The following MICU3 variants were observed in gnomAD, a reference collection of about 807,000 sequenced individuals.
The protein encoded by MICU3 is calcium uptake protein 3, mitochondrial.
MICU3 carries 62 observed loss-of-function variants against 66.5 expected under a neutral mutation model. That is an observed-to-expected ratio of 0.93 (90% CI 0.76 to 1.15). The LOEUF (loss-of-function observed/expected upper bound fraction) is 1.15. Among genes scored for constraint, MICU3 ranks in the 50% most tolerant of loss-of-function variants. The pLI, the probability that MICU3 is intolerant of heterozygous loss-of-function variation, is 0.00. For synonymous variants in MICU3, 308 were observed against 240.7 expected, an observed-to-expected ratio of 1.28 and a Z score of -2.59; for missense variants, 779 against 664.4, an observed-to-expected ratio of 1.17 and a Z score of -1.90.
chr8:17,118,694 T>C lies in MICU3; in HGVS notation c.1525-13T>C. 1 of 1,586,896 alleles carries C rather than the reference T, an allele frequency of 6.3e-7. No individual in the cohort carries two copies. The highest frequency in any genetic ancestry group is 8.6e-7 in the Non-Finnish European group (1 of 1,158,018). On this transcript the variant is annotated splice_polypyrimidine_tract_variant and intron_variant, in intron 13 of 14. Transcript: ENST00000318063. The stretch of plus-strand genomic sequence containing the variant: ...TTCTGTACATTTGCACACTTTGCTC[T>C]TCTGTTTTACAGGGTTATAAAACAG...
chr8:17,103,464 T>C (rs530517933), intron 9 of MICU3, among the ~76,000 whole-genome samples: 2 of 151,986 alleles, frequency 1.3e-5, no homozygotes, highest in Admixed American at 6.6e-5. Context: ...AAAAATAGGA[T>C]TATTTAAACT....
At chr8:17,068,942 C>T (rs926465236) in intron 2 of MICU3, among the ~76,000 whole-genome samples, 7 of 152,046 alleles carry the variant, frequency 4.6e-5, no homozygotes, top group Admixed American at 2.0e-4. Flanking sequence ...CTTAGGCAGG[C>T]ATTAAATATT....
At chr8:17,111,047 C>G (rs551563131) in intron 11 of MICU3, among the ~76,000 whole-genome samples, 9 of 152,214 alleles carry the variant, frequency 5.9e-5, no homozygotes, top group African/African-American at 2.2e-4. Flanking sequence ...GTGAGTAGTG[C>G]TGCTGTGAAT....
intron 1 of MICU3, among the ~76,000 whole-genome samples, chr8:17,034,392 G>GC (rs1260168864): frequency 2.0e-5 from 3 of 152,206 alleles, no homozygotes; most frequent in African/African-American, 7.2e-5. Context: ...TATCCATTCT[G>GC]CAGTCCATGG....
chr8:17,108,975 C>A (rs1267466203), intron 11 of MICU3, among the ~76,000 whole-genome samples: 3 of 152,070 alleles, frequency 2.0e-5, no homozygotes, highest in South Asian at 4.1e-4. Flanking sequence ...TATATGTTGT[C>A]CCCTCTGATG....
chr8:17,032,153 C>T (rs184452955), intron 1 of MICU3, among the ~76,000 whole-genome samples: 246 of 152,282 alleles, frequency 1.6e-3, no homozygotes, highest in African/African-American at 4.0e-3. Flanking sequence ...TGAATTGGGA[C>T]GACTTCAGTA....
chr8:17,124,647 A>G (rs1803358957), downstream of MICU3, among the ~76,000 whole-genome samples: 1 of 151,688 alleles, frequency 6.6e-6, no homozygotes, highest in African/African-American at 2.4e-5. Flanking sequence ...GGAATAGAGC[A>G]TAAACCTCCA....
At chr8:17,104,583 C>G in intron 10 of MICU3, 92 bp downstream of exon 10, 1 of 530,864 alleles carries the variant, frequency 1.9e-6, no homozygotes, top group East Asian at 3.4e-5. Flanking sequence ...ATACTCACCT[C>G]TTTGTTACTT....
chr8:17,132,987 G>C, the MICU3 span: 1 of 152,246 alleles, frequency 6.6e-6, no homozygotes, highest in Non-Finnish European at 1.5e-5. Context: ...AGAGCCACAA[G>C]AAGATGCCAT....
chr8:17,099,842 C>T (rs888698523), intron 9 of MICU3, among the ~76,000 whole-genome samples: 1 of 151,766 alleles, frequency 6.6e-6, no homozygotes, highest in Non-Finnish European at 1.5e-5. Flanking sequence ...TCTCCCCATA[C>T]TAGAGTATCC....
chr8:17,089,926 C>A (rs1045864728), intron 7 of MICU3, among the ~76,000 whole-genome samples: 2 of 151,906 alleles, frequency 1.3e-5, no homozygotes, highest in Non-Finnish European at 2.9e-5. Flanking sequence ...TATTTATATG[C>A]CAAAATAAAA....
At chr8:17,106,660 C>G (rs541648352) in intron 11 of MICU3, among the ~76,000 whole-genome samples, 1 of 151,150 alleles carries the variant, frequency 6.6e-6, no homozygotes, top group East Asian at 1.9e-4. Flanking sequence ...CTAGAAGTAT[C>G]TTAAGCACCA....
chr8:17,082,488 T>G (rs185528316), intron 5 of MICU3, among the ~76,000 whole-genome samples: 1 of 152,208 alleles, frequency 6.6e-6, no homozygotes, highest in Non-Finnish European at 1.5e-5. Flanking sequence ...CATATCAGAC[T>G]ATTTGAAAGT....
rs1229057225 is a variant in MICU3, at chr8:17,064,158, T to C, written c.456T>C (p.Phe152=). ...ATSRERRFRL[F]ASIECEGQLF... is the part of the protein sequence containing the mutation. Reference sequence around the variant, plus strand: ...CTCGGGAGAGGCGATTTCGTTTATTTGCTTCTATAGAATGTGAAGGGCAGT... The same window carrying C: ...CTCGGGAGAGGCGATTTCGTTTATTCGCTTCTATAGAATGTGAAGGGCAGT... The change falls in exon 2 of 15, where the codon TTT becomes TTC. Residue 152 remains phenylalanine (F), a synonymous_variant. Transcript: ENST00000318063. 15 of 1,613,486 alleles carry C rather than the reference T, an allele frequency of 9.3e-6. No individual in the cohort carries two copies. Among genetic ancestry groups the C allele is most frequent in the Non-Finnish European group, 1.3e-5 (15 of 1,179,536 alleles).
chr8:17,060,005 C>T (rs1045331352), intron 1 of MICU3, among the ~76,000 whole-genome samples: 1 of 152,132 alleles, frequency 6.6e-6, no homozygotes, highest in African/African-American at 2.4e-5. Context: ...TAGAAAATTA[C>T]CTGTCATCAC....
chr8:17,105,726 T>G (rs1283413445), intron 11 of MICU3, 142 bp downstream of exon 11: 5 of 446,246 alleles, frequency 1.1e-5, no homozygotes. Context: ...TCCTAAATGC[T>G]CTGGCTACAC....
chr8:17,065,953 A>T (rs1472769026), intron 2 of MICU3, among the ~76,000 whole-genome samples: 1 of 152,220 alleles, frequency 6.6e-6, no homozygotes, highest in African/African-American at 2.4e-5. Context: ...GTTTAAAGAA[A>T]TGTAAACTAC....
chr8:17,072,491 A>C (rs1441194279), intron 3 of MICU3, among the ~76,000 whole-genome samples: 1 of 152,032 alleles, frequency 6.6e-6, no homozygotes, highest in Non-Finnish European at 1.5e-5. Flanking sequence ...AGCAAAACTC[A>C]AAATTATTGG....
Position 17,027,664 on chromosome 8 carries a change from A to C in MICU3, c.381+4A>C. On this transcript the variant is annotated splice_donor_region_variant and intron_variant, in intron 1 of 14. Transcript: ENST00000318063. ...AGTGGCGGCTGCCAAGGAGACGGTG[A>C]GTGCGCGAGCGCGCGTCACACCTGC... 1 of 1,290,696 alleles carries C rather than the reference A, an allele frequency of 7.7e-7. No individual in the cohort carries two copies. The highest frequency in any genetic ancestry group is 9.8e-7 in the Non-Finnish European group (1 of 1,022,232). 80.0% of individuals were successfully genotyped at this position (1,290,696 alleles called of 1,614,324 possible). A position where few individuals can be genotyped will look rare whatever the true frequency, so the allele number is the denominator to read the frequency against.
Sources: gnomAD v4.1 joint callset for allele counts (sites outside exome capture counted in the v4.1 genomes callset) on GRCh38, gnomAD v4.1.1 for gene constraint, MANE v1.5 for transcripts, NCBI Gene and HGNC (gene_info 2026-07-23, HGNC 2026-07-21) for gene names.